The following HS6ST3 variants were observed in gnomAD, a reference collection of about 807,000 sequenced individuals.
The protein encoded by HS6ST3 is heparan-sulfate 6-O-sulfotransferase 3.
Under a neutral mutation model 36.7 loss-of-function variants are expected in HS6ST3, and 12 were observed. The ratio of observed to expected loss-of-function variants is 0.33; its 90% CI spans 0.21 to 0.53. The LOEUF is 0.53. HS6ST3 is among the 20% of genes least tolerant of loss of function. The pLI is 0.95. For synonymous variants in HS6ST3, 240 were observed against 257.5 expected (o/e 0.93, Z 0.65); for missense variants, 584 against 640.9 (o/e 0.91, Z 0.96).
chr13:96,500,608 C>T (rs1236684382), intron 1 of HS6ST3, among the ~76,000 whole-genome samples: 1 of 152,018 alleles, frequency 6.6e-6, no homozygotes. Context: ...TACTAGAAGC[C>T]CTAGGACATA....
chr13:96,516,059 T>C (rs992426594), intron 1 of HS6ST3, among the ~76,000 whole-genome samples: 7 of 152,058 alleles, frequency 4.6e-5, no homozygotes, highest in Admixed American at 2.0e-4. Flanking sequence ...GCTAACAGCA[T>C]TAACTTTTTT....
At chr13:96,393,439 C>T (rs2055406198) in intron 1 of HS6ST3, among the ~76,000 whole-genome samples, 1 of 152,112 alleles carries the variant, frequency 6.6e-6, no homozygotes, top group Non-Finnish European at 1.5e-5. Flanking sequence ...AATAAAGTTT[C>T]TTCTCTTTCA....
chr13:96,420,243 C>T (rs776967909), intron 1 of HS6ST3, among the ~76,000 whole-genome samples: 2 of 151,736 alleles, frequency 1.3e-5, no homozygotes, highest in Non-Finnish European at 2.9e-5. Flanking sequence ...GGTGAGTACC[C>T]GGGTTTATAT....
intron 1 of HS6ST3, among the ~76,000 whole-genome samples, chr13:96,786,556 C>T (rs2138517369): frequency 6.6e-6 from 1 of 152,226 alleles, no homozygotes; most frequent in East Asian, 1.9e-4. Flanking sequence ...GCCCCTAAAT[C>T]ATGTATTTCT....
intron 1 of HS6ST3, among the ~76,000 whole-genome samples, chr13:96,673,911 AT>A (rs1457067410): frequency 1.9e-4 from 29 of 151,982 alleles, no homozygotes; most frequent in Non-Finnish European, 2.2e-4. Flanking sequence ...TAAAAAATAT[AT>A]TTTTTCCCCT....
chr13:96,555,219 T>C (rs1311975758), intron 1 of HS6ST3, among the ~76,000 whole-genome samples: 1 of 152,214 alleles, frequency 6.6e-6, no homozygotes, highest in African/African-American at 2.4e-5. Context: ...GTAAGTGAGA[T>C]ACATACATTA....
chr13:96,623,824 A>C (rs2056503328), intron 1 of HS6ST3, among the ~76,000 whole-genome samples: 1 of 152,194 alleles, frequency 6.6e-6, no homozygotes, highest in Non-Finnish European at 1.5e-5. Context: ...AGCAGGGCTA[A>C]TGTAGCCAGT....
At position 96,377,876 on chromosome 13, in the gene HS6ST3, G is replaced by A. The variant is rs376280372; in HGVS notation, c.707+286307G>A. Reference sequence around the variant, plus strand: ...AGCTCATAAAAATTAGAGAAATGTTGTGTTACCAAAGGACGTGCAAGTTGG... The same window carrying A: ...AGCTCATAAAAATTAGAGAAATGTTATGTTACCAAAGGACGTGCAAGTTGG... On this transcript the variant is annotated intron_variant, in intron 1 of 1. Transcript: ENST00000376705. 3.9e-5 allele frequency among the ~76,000 whole-genome samples: 6 copies of A among 152,172 alleles called. 1 individual carries two copies. Among genetic ancestry groups the A allele is most frequent in the East Asian group, 3.9e-4 (2 of 5,192 alleles).
At chr13:96,669,579 A>T (rs569434241) in intron 1 of HS6ST3, among the ~76,000 whole-genome samples, 2 of 152,256 alleles carry the variant, frequency 1.3e-5, no homozygotes, top group East Asian at 3.9e-4. Context: ...AGAGTTGGTA[A>T]CCAGGGCATA....
At chr13:96,556,011 T>C (rs539114013) in intron 1 of HS6ST3, among the ~76,000 whole-genome samples, 1 of 152,310 alleles carries the variant, frequency 6.6e-6, no homozygotes, top group South Asian at 2.1e-4. Context: ...GTTAGCATCA[T>C]AGATCATTGT....
chr13:96,377,795 A>G (rs16953175), intron 1 of HS6ST3, among the ~76,000 whole-genome samples: 2,202 of 152,318 alleles, frequency 0.014, 26 homozygotes, highest in East Asian at 0.056. Context: ...CCATGGAAGA[A>G]AGAGGGAAAA....
intron 1 of HS6ST3, among the ~76,000 whole-genome samples, chr13:96,156,321 C>G (rs1189235013): frequency 6.6e-6 from 1 of 152,186 alleles, no homozygotes; most frequent in African/African-American, 2.4e-5. Context: ...CATCCTCCTG[C>G]TTCTTACAGT....
At chr13:96,640,551 C>T (rs1166994652) in intron 1 of HS6ST3, among the ~76,000 whole-genome samples, 3 of 151,820 alleles carry the variant, frequency 2.0e-5, no homozygotes, top group Admixed American at 6.6e-5. Flanking sequence ...CTGTGCAGCT[C>T]TTTGGTTTAA....
chr13:96,677,980 A>T (rs1160268792), intron 1 of HS6ST3, among the ~76,000 whole-genome samples: 1 of 152,168 alleles, frequency 6.6e-6, no homozygotes, highest in Non-Finnish European at 1.5e-5. Flanking sequence ...GTAACAGAAT[A>T]CTGCAGACTG....
At chr13:96,368,431 C>T (rs995793461) in intron 1 of HS6ST3, among the ~76,000 whole-genome samples, 3 of 150,464 alleles carry the variant, frequency 2.0e-5, no homozygotes, top group African/African-American at 7.3e-5. Context: ...TAGACTCGTT[C>T]GATGAAAAAA....
rs553372992 is a variant in HS6ST3 at position 96,810,272 on chromosome 13, A to G, written c.708-22218A>G. ...CTCCATTTGTCCTGGACTTTAACCA[A>G]CGTTCTTAGAAGTTTCTTATCTTTC... is the stretch of plus-strand genomic sequence containing the variant. On this transcript the variant is annotated intron_variant, in intron 1 of 1. Transcript: ENST00000376705. Among the ~76,000 whole-genome samples, 11 of 152,252 alleles carry G rather than the reference A, an allele frequency of 7.2e-5. No homozygotes were observed. The South Asian group carries it at 1.7e-3, about 23-fold the overall frequency.
intron 1 of HS6ST3, among the ~76,000 whole-genome samples, chr13:96,212,338 T>C (rs2054403139): frequency 1.3e-5 from 2 of 152,212 alleles, no homozygotes; most frequent in Admixed American, 6.5e-5. Context: ...TCATTGTGGA[T>C]TATTTAAATG....
At chr13:96,794,767 C>G (rs1264775539) in intron 1 of HS6ST3, among the ~76,000 whole-genome samples, 1 of 152,020 alleles carries the variant, frequency 6.6e-6, no homozygotes, top group Non-Finnish European at 1.5e-5. Flanking sequence ...CATGTTGTTT[C>G]AGCCCACAAT....
At chr13:96,718,857 C>CCTTTCT (rs958903319) in intron 1 of HS6ST3, among the ~76,000 whole-genome samples, 36 of 152,270 alleles carry the variant, frequency 2.4e-4, no homozygotes, top group African/African-American at 8.7e-4. Context: ...CTCTGTGCAT[C>CCTTTCT]CTTTCACTTT....
Sources: gnomAD v4.1 joint callset for allele counts (sites outside exome capture counted in the v4.1 genomes callset) on GRCh38, gnomAD v4.1.1 for gene constraint, MANE v1.5 for transcripts, NCBI Gene and HGNC (gene_info 2026-07-23, HGNC 2026-07-21) for gene names.